Variants in RYR1 observed in about 807,000 individuals in gnomAD.
The protein encoded by RYR1 is central core disease of muscle.
Under a neutral mutation model 583.5 loss-of-function variants are expected in RYR1, and 342 were observed. That is an observed-to-expected ratio of 0.59 (90% CI 0.54 to 0.64). The LOEUF (loss-of-function observed/expected upper bound fraction) is 0.64. Ranked by LOEUF, RYR1 falls within the 30% of genes least tolerant of loss-of-function variation. RYR1 has a pLI of 0.00. For synonymous variants in RYR1, 2,791 were observed against 2,822.5 expected, an observed-to-expected ratio of 0.99 and a Z score of 0.35; for missense variants, 6,032 against 6,917.2, an observed-to-expected ratio of 0.87 and a Z score of 4.54.
At chr19:38,477,604 A>T in intron 29 of RYR1, 106 bp from the exon 30 acceptor site, 1 of 1,415,778 alleles carries the variant, frequency 7.1e-7, no homozygotes, top group Non-Finnish European at 1.0e-6. Context: ...ACTTCCTGTT[A>T]AACTCCCAGA....
chr19:38,515,098 A>G lies in RYR1; in HGVS notation c.9545A>G (p.Tyr3182Cys). 7.0e-7 allele frequency: 1 copy of G among 1,427,942 alleles called. No individual in the cohort carries two copies. The highest frequency in any genetic ancestry group is 9.4e-7 in the Non-Finnish European group (1 of 1,061,998). 88.5% of individuals were successfully genotyped at this position (1,427,942 alleles called of 1,614,324 possible). ...TCCCTGGGAACCACCAAGAACACTTATGTGGAAAAGTAAGGAGAGGGAGCC... is the reference window on the plus strand; with the variant it reads ...TCCCTGGGAACCACCAAGAACACTTGTGTGGAAAAGTAAGGAGAGGGAGCC... Reference protein sequence around the residue: ...IYSLGTTKNTYVEKLRPALGE... With the variant: ...IYSLGTTKNTCVEKLRPALGE... The change falls in exon 64 of 106, where the codon TAT (tyrosine) becomes TGT (cysteine). Residue 3182 changes from tyrosine to cysteine, a missense_variant. Transcript: ENST00000359596.
At chr19:38,531,922 A>G (rs919387879) in intron 76 of RYR1, among the ~76,000 whole-genome samples, 2 of 152,070 alleles carry the variant, frequency 1.3e-5, no homozygotes, top group Non-Finnish European at 2.9e-5. Context: ...AAATAAACAA[A>G]CAAAACAACT....
Position 38,473,713 on chromosome 19 carries a change from C to G in RYR1, c.4102C>G (p.Gln1368Glu). The change falls in exon 28 of 106, where the codon CAG becomes GAG. Residue 1368 changes from glutamine to glutamate, a missense_variant. Gln to Glu is a conservative substitution (Grantham distance 29). This residue lies in a region of RYR1 where 2,627 missense variants were observed against 2,961.3 expected (regional missense o/e 0.89). Coordinates refer to ENST00000359596, the MANE Select transcript of RYR1 (RefSeq NM_000540.3). The part of the protein sequence containing the change: ...GGTPQAGGEA[Q>E]PARAENEKDA... ...CACCCCGCAGGCGGGGGGAGAGGCGCAGCCCGCCAGGGCGGAGAATGAGAA... is the reference window on the plus strand; with the variant it reads ...CACCCCGCAGGCGGGGGGAGAGGCGGAGCCCGCCAGGGCGGAGAATGAGAA... 1 of 1,548,416 alleles carries G rather than the reference C, an allele frequency of 6.5e-7. No individual in the cohort carries two copies. The highest frequency in any genetic ancestry group is 2.4e-5 in the East Asian group (1 of 40,910).
intron 28 of RYR1, 132 bp downstream of exon 28, chr19:38,473,903 CGA>C: frequency 1.5e-6 from 1 of 673,728 alleles, no homozygotes; most frequent in South Asian, 2.0e-5. Flanking sequence ...GTAAGAATAC[CGA>C]GAGATTCTAT....
chr19:38,504,711 A>G, intron 50 of RYR1, 37 bp from the exon 51 acceptor site: 4 of 1,592,386 alleles, frequency 2.5e-6, no homozygotes, highest in Non-Finnish European at 3.4e-6. Flanking sequence ...TAAGGCTTAT[A>G]GCGACCTCCT....
chr19:38,573,657 G>A (rs186479365), intron 96 of RYR1, among the ~76,000 whole-genome samples: 4 of 150,726 alleles, frequency 2.7e-5, no homozygotes, highest in African/African-American at 9.8e-5. Flanking sequence ...TCCAGCCTGG[G>A]CAACAAGAGT....
intron 28 of RYR1, among the ~76,000 whole-genome samples, chr19:38,474,839 A>T (rs1451193802): frequency 6.6e-6 from 1 of 151,798 alleles, no homozygotes; most frequent in Non-Finnish European, 1.5e-5. Context: ...GAGGTTTTCA[A>T]TGGGATTGAA....
intron 97 of RYR1, among the ~76,000 whole-genome samples, 188 bp downstream of exon 97, chr19:38,576,149 A>C (rs2145882672): frequency 6.6e-6 from 1 of 152,162 alleles, no homozygotes; most frequent in Admixed American, 6.5e-5. Context: ...TTGAATGGGC[A>C]CATGGAAAGA....
In RYR1 at chr19:38,444,183, C is replaced by T. The variant is rs894468761; in HGVS notation, c.459C>T (p.Ser153=). The change falls in exon 6 of 106, where the codon TCC becomes TCT. Residue 153 remains serine, a synonymous_variant. Transcript: ENST00000359596. This position sits in a 1 kb window ranked among gnomAD's most constrained non-coding sequence, Gnocchi z 5.1. ...GCTGGTGGACCATGCACCCAGCCTC[C>T]AAGCAGAGGTCTGAAGGAGAAAAGG... ...EACWWTMHPA[S]KQRSEGEKVR... 6 of 1,613,904 alleles carry T rather than the reference C, an allele frequency of 3.7e-6. No homozygotes were observed. In the African/African-American group the frequency reaches 5.3e-5, roughly 14 times the overall value.
intron 19 of RYR1, among the ~76,000 whole-genome samples, 188 bp from the exon 20 acceptor site, chr19:38,460,187 A>G (rs575076082): frequency 6.6e-6 from 1 of 152,176 alleles, no homozygotes; most frequent in African/African-American, 2.4e-5. Flanking sequence ...TTCCCTTATG[A>G]TATTCCTTTG....
Position 38,528,625 on chromosome 19 carries a change from A to AG in RYR1, c.10965dup (p.Ser3656GlufsTer10). The AG allele has an allele frequency of 6.2e-7, 1 of 1,614,142 alleles. No homozygotes were observed. The highest frequency in any genetic ancestry group is 2.2e-5 in the East Asian group (1 of 44,878). On this transcript the variant is annotated frameshift_variant, in exon 75 of 106. Transcript: ENST00000359596. LOFTEE classifies it high-confidence loss of function. ...CACCGGGCATGTAACATGTTCCTGG[A>AG]GAGCTACAAGGCTGCATGGATCCTG...
At position 38,492,547 on chromosome 19, in the gene RYR1, G is replaced by A. The variant is rs368235923; in HGVS notation, c.6185G>A (p.Arg2062His). The A allele has an allele frequency of 5.6e-6, 9 of 1,613,970 alleles. No individual in the cohort carries two copies. Among genetic ancestry groups the A allele is most frequent in the African/African-American group, 2.7e-5 (2 of 74,926 alleles). Residue 2062 changes from arginine to histidine, a missense_variant, in exon 38 of 106, where the codon CGC becomes CAC. By Grantham distance (29) the Arg-to-His change is conservative (BLOSUM62 0). Coordinates refer to ENST00000359596, the MANE Select transcript of RYR1 (RefSeq NM_000540.3). ...GAGGAAGAGACCACCCTGGGCAGCC[G>A]CCTCATGAGCCTGTTGGAGAAAGTG... ...EPEEETTLGS[R>H]LMSLLEKVRL...
chr19:38,484,152 TGTG>T (rs1242902634), intron 33 of RYR1, among the ~76,000 whole-genome samples: 1 of 151,856 alleles, frequency 6.6e-6, no homozygotes, highest in East Asian at 1.9e-4. Context: ...ATTAGCCAGT[TGTG>T]GTGGTGTGCA....
chr19:38,452,685 C>T, intron 12 of RYR1, 134 bp from the exon 13 acceptor site: 2 of 782,994 alleles, frequency 2.6e-6, no homozygotes, highest in South Asian at 1.8e-5. Context: ...AAATGCTTTT[C>T]CCTCTCTGCG....
In RYR1 at chr19:38,532,877, C is replaced by A. The variant is rs1971804771; in HGVS notation, c.11259+141C>A. 5 of 812,192 alleles carry A rather than the reference C, an allele frequency of 6.2e-6. No homozygotes were observed. In the Admixed American group the frequency reaches 8.5e-5, roughly 14 times the overall value. The allele number at this position is 812,192 out of a possible 1,614,324, so 50.3% of individuals were successfully genotyped here. A position where few individuals can be genotyped will look rare whatever the true frequency, so the allele number is the denominator to read the frequency against. On this transcript the variant is annotated intron_variant, in intron 78 of 105. Coordinates refer to ENST00000359596, the MANE Select transcript of RYR1 (RefSeq NM_000540.3). ...AGTCAGTCCACTGGGGAGACAGATA[C>A]ACCCGCCAAACTAACACCACGGAGT...
chr19:38,525,111 G>A (rs937407033), intron 70 of RYR1, among the ~76,000 whole-genome samples: 6 of 152,148 alleles, frequency 3.9e-5, no homozygotes, highest in Non-Finnish European at 7.3e-5. Context: ...AAGAAACTGG[G>A]AATTTGGGTT....
At chr19:38,535,479 C>T (rs1023941522) in intron 81 of RYR1, 87 bp downstream of exon 81, 5 of 990,044 alleles carry the variant, frequency 5.1e-6, no homozygotes, top group Non-Finnish European at 8.2e-6. Flanking sequence ...TCTGATTCTG[C>T]TCTTTCAGTC....
intron 67 of RYR1, among the ~76,000 whole-genome samples, chr19:38,520,693 C>CAAAAAAAAAAAAAAAAAAAAAAAAAA (rs71165555): frequency 3.6e-4 from 17 of 46,900 alleles, no homozygotes; most frequent in African/African-American, 6.0e-4. Flanking sequence ...GGCTCCACCT[C>CAAAAAAAAAAAAAAAAAAAAAAAAAA]AAAAAAAAAA....
In RYR1 at chr19:38,573,278, G is replaced by T. The variant is rs1973807289; in HGVS notation, c.14100G>T (p.Gly4700=). The part of the protein sequence containing the change: ...TEQPEDDDVK[G]QWDRLVLNTP... ...AGCCTGAGGACGATGACGTGAAGGG[G>T]CAGTGGGACCGACTGGTGCTCAACA... The change falls in exon 96 of 106, where the codon GGG becomes GGT. Residue 4700 remains glycine, a synonymous_variant. Transcript: ENST00000359596. 4.3e-6 allele frequency: 7 copies of T among 1,613,896 alleles called. No individual in the cohort carries two copies. Among genetic ancestry groups the T allele is most frequent in the Non-Finnish European group, 5.9e-6 (7 of 1,179,916 alleles).
Sources: gnomAD v4.1 joint callset for allele counts (sites outside exome capture counted in the v4.1 genomes callset) on GRCh38, gnomAD v4.1.1 for gene constraint, gnomAD v4.1.1 regional missense constraint, Gnocchi (gnomAD v3.1) non-coding constraint, MANE v1.5 for transcripts, NCBI Gene and HGNC (gene_info 2026-07-23, HGNC 2026-07-21) for gene names.